The following ITGA7 variants were observed in gnomAD, a reference collection of about 807,000 sequenced individuals.
ITGA7 encodes integrin subunit alpha 7.
ITGA7 carries 84 observed loss-of-function variants against 131.6 expected under a neutral mutation model. The ratio of observed to expected loss-of-function variants is 0.64; its 90% confidence interval spans 0.54 to 0.77. The LOEUF (loss-of-function observed/expected upper bound fraction) is 0.77, where lower values mean the gene tolerates loss of function less well. ITGA7 is among the 30% of genes least tolerant of loss of function. The pLI is 0.00. For missense variants in ITGA7, 1,399 were observed against 1,482.9 expected (o/e 0.94, Z 0.93); for synonymous variants, 548 against 600.7 (o/e 0.91, Z 1.28).
At position 55,697,295 on chromosome 12, in the gene ITGA7, G is replaced by T; in HGVS notation, c.1506-18C>A. The stretch of plus-strand genomic sequence containing the variant: ...GGTCCACACTGCGGGGGCAAAGGTG[G>T]CTCCTGAGCCAAACGAGGCTGATGG... On this transcript the variant is annotated intron_variant, in intron 10 of 24. Transcript: ENST00000257879. The T allele has an allele frequency of 6.3e-7, 1 of 1,589,534 alleles. No individual in the cohort carries two copies. The highest frequency in any genetic ancestry group is 1.1e-5 in the South Asian group (1 of 87,854).
chr12:55,697,461 G>A lies in ITGA7; in HGVS notation c.1495C>T (p.His499Tyr), dbSNP rs376759983. ...CCGATCCCACCTCACCAGACCGAGTGGCCGCCAGCACAGTTGGGCTGCTCC... is the reference window on the plus strand; with the variant it reads ...CCGATCCCACCTCACCAGACCGAGTAGCCGCCAGCACAGTTGGGCTGCTCC... ...DLEQPNCAGG[H>Y]SVCVDLRVCF... Residue 499 changes from histidine to tyrosine, a missense_variant, in exon 10 of 25, where the codon CAC (histidine) becomes TAC (tyrosine). His to Tyr is a moderately conservative substitution (Grantham distance 83). Transcript: ENST00000257879. The A allele has an allele frequency of 6.8e-6, 11 of 1,613,944 alleles. No individual in the cohort carries two copies. The highest frequency in any genetic ancestry group is 9.3e-6 in the Non-Finnish European group (11 of 1,180,012).
chr12:55,696,318 G>A lies in ITGA7; in HGVS notation c.1852C>T (p.Leu618Phe). The A allele has an allele frequency of 6.3e-7, 1 of 1,582,322 alleles. No homozygotes were observed. The highest frequency in any genetic ancestry group is 1.2e-5 in the South Asian group (1 of 86,864). Reference sequence around the variant, plus strand: ...TGGGTGCTGGGCTGGTGGGCATTGAGGATGGGGGCCACTGGAGGCAGCCCC... The same window carrying A: ...TGGGTGCTGGGCTGGTGGGCATTGAAGATGGGGGCCACTGGAGGCAGCCCC... ...GQGLPPVAPI[L>F]NAHQPSTQRA... The change falls in exon 13 of 25, where the codon CTC (leucine) becomes TTC (phenylalanine). Residue 618 changes from leucine to phenylalanine, a missense_variant. Transcript: ENST00000257879.
chr12:55,691,302 G>A (rs569754973), intron 21 of ITGA7, among the ~76,000 whole-genome samples: 2 of 152,220 alleles, frequency 1.3e-5, no homozygotes, highest in Admixed American at 6.5e-5. Flanking sequence ...GTTACCTAGG[G>A]CTGGAGTGGA....
rs571615743 is a variant in ITGA7, at chr12:55,691,452, T to C, written c.2844+1392A>G. On this transcript the variant is annotated intron_variant, in intron 21 of 24. Transcript: ENST00000257879. ...AGTTAATAACAACATATTGTATTCC[T>C]GAGAATCACTAAGAGAATAGATTTT... is the stretch of plus-strand genomic sequence containing the variant. Among the ~76,000 whole-genome samples, 23 of 152,298 alleles carry C rather than the reference T, an allele frequency of 1.5e-4. No homozygotes were observed. In the South Asian group the frequency reaches 3.5e-3, roughly 23 times the overall value.
intron 21 of ITGA7, among the ~76,000 whole-genome samples, chr12:55,691,998 T>C (rs1871524394): frequency 6.6e-6 from 1 of 152,112 alleles, no homozygotes; most frequent in Non-Finnish European, 1.5e-5. Context: ...GCTCAATACC[T>C]TCACCTAAAC....
Position 55,696,331 on chromosome 12 carries a change from T to A in ITGA7, c.1839A>T (p.Pro613=). 2 of 1,583,272 alleles carry A rather than the reference T, an allele frequency of 1.3e-6. No individual in the cohort carries two copies. The highest frequency in any genetic ancestry group is 1.7e-6 in the Non-Finnish European group (2 of 1,163,698). The part of the protein sequence containing the change: ...RRQAPGQGLP[P]VAPILNAHQP... ...GGTGGGCATTGAGGATGGGGGCCAC[T>A]GGAGGCAGCCCCTGGCCAGGAGCCT... The change falls in exon 13 of 25, where the codon CCA becomes CCT. Residue 613 remains proline (P), a synonymous_variant. Coordinates refer to ENST00000257879, the MANE Select transcript of ITGA7 (RefSeq NM_002206.3).
intron 3 of ITGA7, 96 bp from the exon 4 acceptor site, chr12:55,701,250 C>T: frequency 6.3e-7 from 1 of 1,592,528 alleles, no homozygotes; most frequent in Non-Finnish European, 8.6e-7. Flanking sequence ...GATACTGATA[C>T]ATGTGTGCTC....
intron 4 of ITGA7, 23 bp downstream of exon 4, chr12:55,700,876 C>T: frequency 6.2e-7 from 1 of 1,614,178 alleles, no homozygotes; most frequent in Non-Finnish European, 8.5e-7. Context: ...GTCCCCTTCT[C>T]CCCTTCCCGA....
Position 55,702,764 on chromosome 12 carries a change from A to T in ITGA7, c.414+108T>A, listed in dbSNP as rs531620654. The T allele has an allele frequency of 1.6e-4, 146 of 904,232 alleles. No homozygotes were observed. The African/African-American group carries it at 2.2e-3, about 13-fold the overall frequency. 56.0% of individuals were successfully genotyped at this position (904,232 alleles called of 1,614,324 possible). A position where few individuals can be genotyped will look rare whatever the true frequency, so the allele number is the denominator to read the frequency against. On this transcript the variant is annotated intron_variant, in intron 3 of 24. Coordinates refer to ENST00000257879, the MANE Select transcript of ITGA7 (RefSeq NM_002206.3). ...TCCCTGATGTACTTGGAATCATACC[A>T]TATTCCTAACTTGTGTTCTCTAAGC...
At chr12:55,702,976 G>A (rs765364203) in intron 2 of ITGA7, 25 bp from the exon 3 acceptor site, 1 of 1,613,226 alleles carries the variant, frequency 6.2e-7, no homozygotes, top group Non-Finnish European at 8.5e-7. Context: ...CTGGGAATTA[G>A]GGGAGGGAAG....
rs1433566385 is a variant in ITGA7 at position 55,707,671 on chromosome 12, A to G, written c.12T>C (p.Ala4=). ...AGGCCCCCCAAGGGTCGCGGCTCCGAGCCCCGGCCATGGGACGATCCCTGC... is the reference window on the plus strand; with the variant it reads ...AGGCCCCCCAAGGGTCGCGGCTCCGGGCCCCGGCCATGGGACGATCCCTGC... MAG[A]RSRDPWGASG... The change falls in exon 1 of 25, where the codon GCT becomes GCC. Residue 4 remains alanine (A), a synonymous_variant. Transcript: ENST00000257879. 6.3e-7 allele frequency: 1 copy of G among 1,576,536 alleles called. No individual in the cohort carries two copies. Among genetic ancestry groups the G allele is most frequent in the Non-Finnish European group, 8.6e-7 (1 of 1,160,966 alleles).
chr12:55,702,869 C>T lies in ITGA7; in HGVS notation c.414+3G>A, dbSNP rs770701473. On this transcript the variant is annotated splice_donor_region_variant and intron_variant, in intron 3 of 24. Coordinates refer to ENST00000257879, the MANE Select transcript of ITGA7 (RefSeq NM_002206.3). ...GCATTCAGTCATGAGAAGCAATACT[C>T]ACAACAATCTTGCCCCCAGGCCCCT... The T allele has an allele frequency of 1.2e-6, 2 of 1,611,652 alleles. No homozygotes were observed.
chr12:55,695,475 T>C, intron 14 of ITGA7, 47 bp downstream of exon 14: 1 of 1,197,940 alleles, frequency 8.3e-7, no homozygotes, highest in Non-Finnish European at 1.2e-6. Context: ...CTCTCAATCC[T>C]TGAACTCTTG....
chr12:55,712,021 G>T, upstream of ITGA7: 1 of 1,485,744 alleles, frequency 6.7e-7, no homozygotes, highest in Non-Finnish European at 9.2e-7. Flanking sequence ...AGGCTTTTCC[G>T]TCCCAACATG....
At position 55,700,455 on chromosome 12, in the gene ITGA7, A is replaced by G. The variant is rs1005762765; in HGVS notation, c.670+444T>C. 8 of 1,543,670 alleles carry G rather than the reference A, an allele frequency of 5.2e-6. No individual in the cohort carries two copies. In the African/African-American group the frequency reaches 1.1e-4, roughly 21 times the overall value. ...GCAAGGAACACCCCTCAGGCCGGAC[A>G]CTGAGTTAGACAGGCACACGGGGAA... On this transcript the variant is annotated intron_variant, in intron 4 of 24. Coordinates refer to ENST00000257879, the MANE Select transcript of ITGA7 (RefSeq NM_002206.3).
At chr12:55,716,167 C>G, upstream of ITGA7, 1 of 1,612,412 alleles carries the variant, frequency 6.2e-7, no homozygotes, top group South Asian at 1.1e-5. Context: ...GAACACCAGG[C>G]CAAGCAGAAT....
chr12:55,695,396 C>T, intron 14 of ITGA7, 126 bp downstream of exon 14: 1 of 717,216 alleles, frequency 1.4e-6, no homozygotes, highest in South Asian at 1.7e-5. Context: ...ATCGGCAGGT[C>T]CTCTTCCACC....
chr12:55,708,192 A>T (rs1875648572), upstream of ITGA7, among the ~76,000 whole-genome samples: 1 of 152,030 alleles, frequency 6.6e-6, no homozygotes, highest in South Asian at 2.1e-4. Flanking sequence ...AGAAGTACAG[A>T]TAGAAAGAGA....
rs751520042 is a variant in ITGA7 at position 55,685,096 on chromosome 12, G to C, written c.3376C>G (p.Leu1126Val). The C allele has an allele frequency of 6.2e-7, 1 of 1,605,990 alleles. No individual in the cohort carries two copies. Among genetic ancestry groups the C allele is most frequent in the Non-Finnish European group, 8.5e-7 (1 of 1,177,556 alleles). The change falls in exon 25 of 25, where the codon CTG (leucine) becomes GTG (valine). Residue 1126 changes from leucine to valine, a missense_variant. Physicochemically the swap from Leu to Val is conservative, Grantham distance 32. Transcript: ENST00000257879. ...PILAADGHPELGPDGHPGPGT... is the reference protein window; with the variant it reads ...PILAADGHPEVGPDGHPGPGT... ...GGCCCTGGATGCCCATCGGGGCCCAGCTCGGGATGCCCGTCAGCAGCCAGG... is the reference window on the plus strand; with the variant it reads ...GGCCCTGGATGCCCATCGGGGCCCACCTCGGGATGCCCGTCAGCAGCCAGG...
Sources: allele counts gnomAD v4.1 joint callset (sites outside exome capture counted in the v4.1 genomes callset), GRCh38; gene constraint gnomAD v4.1.1; transcripts MANE v1.5; gene names NCBI Gene and HGNC (gene_info 2026-07-23, HGNC 2026-07-21).